The following UBA6 variants were observed in gnomAD, a reference collection of about 807,000 sequenced individuals.
UBA6 encodes the protein ubiquitin like modifier activating enzyme 6.
UBA6 carries 87 observed loss-of-function variants against 148.3 expected under a neutral mutation model. The ratio of observed to expected loss-of-function variants is 0.59; its 90% confidence interval spans 0.49 to 0.70. UBA6 has a LOEUF of 0.70. Ranked by LOEUF, UBA6 falls within the 30% of genes least tolerant of loss-of-function variation. The pLI is 0.00. For missense variants in UBA6, 1,186 were observed against 1,241.2 expected (o/e 0.96, Z 0.67); for synonymous variants, 376 against 401.0 (o/e 0.94, Z 0.75).
chr4:67,637,750 C>T (rs138754291), intron 19 of UBA6, among the ~76,000 whole-genome samples: 3,257 of 152,056 alleles, frequency 0.021, 104 homozygotes, highest in East Asian at 0.11. Context: ...GCATGCTCGT[C>T]AAGAGTCATC....
chr4:67,698,938 T>A (rs1730905700), intron 1 of UBA6, among the ~76,000 whole-genome samples: 1 of 151,792 alleles, frequency 6.6e-6, no homozygotes, highest in African/African-American at 2.4e-5. Flanking sequence ...CCAGCCTGGG[T>A]GACAAGAGCA....
intron 13 of UBA6, among the ~76,000 whole-genome samples, chr4:67,652,694 T>C (rs193292119): frequency 1.8e-4 from 27 of 152,180 alleles, no homozygotes; most frequent in Non-Finnish European, 3.4e-4. Flanking sequence ...GTGCAGCCCA[T>C]GGAGGGCGAG....
At chr4:67,623,904 A>G (rs1350284028) in intron 30 of UBA6, among the ~76,000 whole-genome samples, 1 of 152,068 alleles carries the variant, frequency 6.6e-6, no homozygotes, top group Admixed American at 6.6e-5. Context: ...TGAAACCATA[A>G]TGCCAAATAA....
At chr4:67,696,581 A>G in intron 2 of UBA6, 64 bp downstream of exon 2, 1 of 1,300,468 alleles carries the variant, frequency 7.7e-7, no homozygotes. Flanking sequence ...CTTCAAAGAG[A>G]CTACTTGATT....
rs947513241 is a variant in UBA6 at position 67,618,374 on chromosome 4, C to T, written c.*623G>A. ...CATCTGACCTATTGCTCCTACAACA[C>T]TGATGCTATCAACAAAAATCCTGAT... On this transcript the variant is annotated 3_prime_UTR_variant, in exon 33 of 33. Coordinates refer to ENST00000322244, the MANE Select transcript of UBA6 (RefSeq NM_018227.6). 1 of 152,696 alleles carries T rather than the reference C, an allele frequency of 6.5e-6. No homozygotes were observed. Among genetic ancestry groups the T allele is most frequent in the Non-Finnish European group, 1.5e-5 (1 of 68,086 alleles). 9.5% of individuals were successfully genotyped at this position (152,696 alleles called of 1,614,324 possible). A position where few individuals can be genotyped will look rare whatever the true frequency, so the allele number is the denominator to read the frequency against.
At chr4:67,683,066 A>G (rs1354801142) in intron 2 of UBA6, among the ~76,000 whole-genome samples, 1 of 152,158 alleles carries the variant, frequency 6.6e-6, no homozygotes, top group Non-Finnish European at 1.5e-5. Flanking sequence ...AACACAAGCT[A>G]TCTTTATTTC....
intron 3 of UBA6, among the ~76,000 whole-genome samples, chr4:67,681,887 GAA>G (rs1324390819): frequency 2.0e-5 from 3 of 152,140 alleles, no homozygotes; most frequent in Admixed American, 2.0e-4. Context: ...TGGATATAGA[GAA>G]TGATAATTAA....
intron 16 of UBA6, among the ~76,000 whole-genome samples, chr4:67,645,596 CAGA>C (rs1560485242): frequency 7.5e-6 from 1 of 133,366 alleles, no homozygotes; most frequent in Non-Finnish European, 1.6e-5. Context: ...GACTTTGTCT[CAGA>C]AAAAAAAAAA....
At chr4:67,689,999 G>A (rs537670233) in intron 2 of UBA6, among the ~76,000 whole-genome samples, 194 of 152,196 alleles carry the variant, frequency 1.3e-3, no homozygotes, top group African/African-American at 4.3e-3. Context: ...ATGCTTTAGG[G>A]CTAAGCAGAA....
intron 13 of UBA6, among the ~76,000 whole-genome samples, chr4:67,652,651 T>G (rs1729580654): frequency 1.3e-5 from 2 of 152,150 alleles, no homozygotes. Context: ...CTGAGGTATC[T>G]GGTTCATCCC....
At chr4:67,695,560 C>CA (rs60545987) in intron 2 of UBA6, among the ~76,000 whole-genome samples, 1 of 151,742 alleles carries the variant, frequency 6.6e-6, no homozygotes, top group Non-Finnish European at 1.5e-5. Context: ...CCACTCCTAT[C>CA]AAAAAAATGT....
chr4:67,668,822 T>C, intron 8 of UBA6, 148 bp from the exon 9 acceptor site: 1 of 668,596 alleles, frequency 1.5e-6, no homozygotes, highest in Non-Finnish European at 2.5e-6. Flanking sequence ...AAGCAAGCCT[T>C]TAAAAAGCTA....
At chr4:67,627,395 C>T (rs3796716) in intron 27 of UBA6, among the ~76,000 whole-genome samples, 57,853 of 151,596 alleles carry the variant, frequency 0.38, 11,158 homozygotes, top group Middle Eastern at 0.5. Context: ...AAAAAGCCCA[C>T]AGTTCATGTT....
At chr4:67,681,348 T>C (rs1363109607) in intron 4 of UBA6, among the ~76,000 whole-genome samples, 6 of 152,180 alleles carry the variant, frequency 3.9e-5, no homozygotes, top group Non-Finnish European at 8.8e-5. Flanking sequence ...ATGAAACAAA[T>C]GTCCCCAAGA....
intron 2 of UBA6, among the ~76,000 whole-genome samples, chr4:67,692,018 T>A (rs1730705412): frequency 6.6e-6 from 1 of 152,216 alleles, no homozygotes; most frequent in African/African-American, 2.4e-5. Context: ...AGCTGTAGAA[T>A]TCTTTTTTTT....
At position 67,631,860 on chromosome 4, in the gene UBA6, C is replaced by T. The variant is rs1346089008; in HGVS notation, c.2191G>A (p.Gly731Ser). The T allele has an allele frequency of 1.2e-6, 2 of 1,611,834 alleles. No individual in the cohort carries two copies. The highest frequency in any genetic ancestry group is 1.7e-5 in the Admixed American group (1 of 59,812). The change falls in exon 24 of 33, where the codon GGC (glycine) becomes AGC (serine). Residue 731 changes from glycine (G) to serine (S), a missense_variant. Gly to Ser is a moderately conservative substitution (Grantham distance 56). Transcript: ENST00000322244. ...CFPLDIRLKDGSLFWQSPKRP... is the reference protein window; with the variant it reads ...CFPLDIRLKDSSLFWQSPKRP... ...TATTCTCAACATTTATACTTACTGCCATCTTTTAATCGTATGTCCAGAGGG... is the reference window on the plus strand; with the variant it reads ...TATTCTCAACATTTATACTTACTGCTATCTTTTAATCGTATGTCCAGAGGG...
chr4:67,656,938 CA>C (rs1729712834), intron 13 of UBA6, among the ~76,000 whole-genome samples: 1 of 152,086 alleles, frequency 6.6e-6, no homozygotes, highest in Non-Finnish European at 1.5e-5. Flanking sequence ...ACAATTGCTA[CA>C]AAGAGAATAA....
chr4:67,623,027 A>G, intron 31 of UBA6, 102 bp from the exon 32 acceptor site: 1 of 1,360,368 alleles, frequency 7.4e-7, no homozygotes, highest in South Asian at 1.3e-5. Context: ...CAGTAAAAAA[A>G]GCAAATTCAT....
chr4:67,665,360 T>C, intron 9 of UBA6, 68 bp from the exon 10 acceptor site: 1 of 913,484 alleles, frequency 1.1e-6, no homozygotes, highest in Non-Finnish European at 1.7e-6. Context: ...ACTCTTATTG[T>C]CATAAGAGGT....
Sources: gnomAD v4.1 joint callset for allele counts (sites outside exome capture counted in the v4.1 genomes callset) on GRCh38, gnomAD v4.1.1 for gene constraint, MANE v1.5 for transcripts, NCBI Gene and HGNC (gene_info 2026-07-23, HGNC 2026-07-21) for gene names.